DLG2: variants seen among roughly 807,000 people sequenced by gnomAD.
DLG2 encodes the protein disks large homolog 2.
DLG2 carries 45 observed loss-of-function variants against 132.5 expected under a neutral mutation model. That is an observed-to-expected ratio of 0.34 (90% CI 0.27 to 0.44). The LOEUF (loss-of-function observed/expected upper bound fraction) is 0.44. Ranked by LOEUF, DLG2 falls within the 20% of genes least tolerant of loss-of-function variation. The probability of loss-of-function intolerance (pLI) is 1.00; values close to 1 mark genes in which losing one functional copy is unlikely to be tolerated. For synonymous variants in DLG2, 424 were observed against 419.6 expected (o/e 1.01, Z -0.13); for missense variants, 1,045 against 1,196.9 (o/e 0.87, Z 1.87).
intron 18 of DLG2, among the ~76,000 whole-genome samples, chr11:83,650,958 C>T (rs917300755): frequency 5.3e-5 from 8 of 152,148 alleles, no homozygotes; most frequent in Non-Finnish European, 8.8e-5. Context: ...GATAGTAAGT[C>T]TTTTATGATT....
chr11:84,189,235 T>C (rs2096351871), intron 8 of DLG2, among the ~76,000 whole-genome samples: 1 of 152,158 alleles, frequency 6.6e-6, no homozygotes, highest in Non-Finnish European at 1.5e-5. Context: ...AAGCTCAACA[T>C]CACTGATCAT....
At chr11:84,457,647 A>G (rs2099068887) in intron 7 of DLG2, among the ~76,000 whole-genome samples, 1 of 150,960 alleles carries the variant, frequency 6.6e-6, no homozygotes, top group South Asian at 2.1e-4. Flanking sequence ...TGAACATTAA[A>G]CAGAGTGCGA....
intron 6 of DLG2, among the ~76,000 whole-genome samples, chr11:84,752,330 A>C (rs960361077): frequency 1.3e-5 from 2 of 152,222 alleles, no homozygotes; most frequent in African/African-American, 4.8e-5. Context: ...TTACATTCTA[A>C]TGAAAGAAAC....
intron 3 of DLG2, among the ~76,000 whole-genome samples, chr11:85,355,741 C>T (rs1248366571): frequency 6.8e-6 from 1 of 147,762 alleles, no homozygotes; most frequent in African/African-American, 2.4e-5. Flanking sequence ...GGCTGGATAA[C>T]AATATATATA....
At chr11:85,152,172 G>A (rs1186378383) in intron 5 of DLG2, among the ~76,000 whole-genome samples, 1 of 151,756 alleles carries the variant, frequency 6.6e-6, no homozygotes, top group African/African-American at 2.4e-5. Context: ...ATTCTCTAAA[G>A]TACATGATCA....
intron 11 of DLG2, among the ~76,000 whole-genome samples, chr11:84,040,889 T>C (rs2096058853): frequency 1.3e-5 from 2 of 151,962 alleles, no homozygotes; most frequent in Admixed American, 6.6e-5. Context: ...TATCCTCTTT[T>C]ATTTCCTTGA....
At chr11:84,645,553 C>T (rs1374155844) in intron 6 of DLG2, among the ~76,000 whole-genome samples, 2 of 152,140 alleles carry the variant, frequency 1.3e-5, no homozygotes, top group African/African-American at 2.4e-5. Flanking sequence ...CTGCAAGCTC[C>T]GCCTCCTGGG....
intron 7 of DLG2, among the ~76,000 whole-genome samples, chr11:84,252,525 G>A (rs77193431): frequency 0.04 from 6,145 of 152,076 alleles, 137 homozygotes; most frequent in South Asian, 0.076. Context: ...AATCATATTG[G>A]ATATGTTCAA....
At chr11:83,770,640 CTT>C (rs2094356449) in intron 18 of DLG2, among the ~76,000 whole-genome samples, 1 of 152,002 alleles carries the variant, frequency 6.6e-6, no homozygotes, top group Non-Finnish European at 1.5e-5. Context: ...AAGACCAGCT[CTT>C]GTTTTATAAA....
At chr11:84,090,822 G>A (rs2097079925) in intron 10 of DLG2, among the ~76,000 whole-genome samples, 1 of 152,158 alleles carries the variant, frequency 6.6e-6, no homozygotes, top group Non-Finnish European at 1.5e-5. Context: ...TCCAAAAGAT[G>A]TCCATATATT....
intron 14 of DLG2, among the ~76,000 whole-genome samples, chr11:83,956,607 C>T (rs940916883): frequency 1.3e-5 from 2 of 152,192 alleles, no homozygotes; most frequent in Non-Finnish European, 2.9e-5. Context: ...GACAGGGTGC[C>T]CCTACCGCGA....
chr11:84,430,444 A>G (rs1486160435), intron 7 of DLG2, among the ~76,000 whole-genome samples: 1 of 118,526 alleles, frequency 8.4e-6, no homozygotes, highest in Non-Finnish European at 1.6e-5. Flanking sequence ...TCTCAAAAAA[A>G]AAAAAGAAAA....
At chr11:85,264,261 T>A (rs1368154519) in intron 4 of DLG2, among the ~76,000 whole-genome samples, 1 of 152,128 alleles carries the variant, frequency 6.6e-6, no homozygotes, top group Non-Finnish European at 1.5e-5. Context: ...TCTGAGAATA[T>A]CCTCTTCCTC....
At chr11:84,163,392 C>A in intron 9 of DLG2, 69 bp downstream of exon 9, 7 of 1,372,942 alleles carry the variant, frequency 5.1e-6, no homozygotes, top group Non-Finnish European at 7.0e-6. Context: ...CACAAGACAA[C>A]TCATTAAGAT....
intron 16 of DLG2, among the ~76,000 whole-genome samples, chr11:83,838,074 A>C (rs1430589357): frequency 1.5e-5 from 1 of 68,870 alleles, no homozygotes; most frequent in Non-Finnish European, 2.5e-5. Context: ...GAGAGTGATT[A>C]GGACTCTGAC....
chr11:84,224,425 G>GT (rs1194469441), intron 8 of DLG2, among the ~76,000 whole-genome samples: 1 of 152,180 alleles, frequency 6.6e-6, no homozygotes, highest in Non-Finnish European at 1.5e-5. Context: ...GAATAAAATA[G>GT]TAAGTTAGAA....
Position 85,568,208 on chromosome 11 carries a change from A to T in DLG2, c.40+30449T>A, listed in dbSNP as rs544716879. Among the ~76,000 whole-genome samples, 84 of 151,844 alleles carry T rather than the reference A, an allele frequency of 5.5e-4. 3 individuals are homozygous for T. The highest frequency in any genetic ancestry group is 1.9e-3 in the African/African-American group (77 of 41,428). On this transcript the variant is annotated intron_variant, in intron 3 of 27. Transcript: ENST00000376104. Reference sequence around the variant, plus strand: ...TTTTTTGTATTTAATAGAGATGGGGATTCACCATGTTAGTCAGGCTGGTCA... The same window carrying T: ...TTTTTTGTATTTAATAGAGATGGGGTTTCACCATGTTAGTCAGGCTGGTCA...
intron 3 of DLG2, among the ~76,000 whole-genome samples, chr11:85,517,805 T>G (rs907526858): frequency 5.9e-5 from 9 of 152,112 alleles, no homozygotes; most frequent in Non-Finnish European, 1.2e-4. Context: ...TCATCATGAA[T>G]TCCCACGTGT....
Position 84,532,209 on chromosome 11 carries a change from T to C in DLG2, c.519+2361A>G, listed in dbSNP as rs1591702396. ...ATTATAAAATTTGGACTCTCCCTAT[T>C]CCATTTTTGAATCCCAGAAGTAACA... is the stretch of plus-strand genomic sequence containing the variant. On this transcript the variant is annotated intron_variant, in intron 7 of 27. Transcript: ENST00000376104. 2.7e-5 allele frequency among the ~76,000 whole-genome samples: 4 copies of C among 149,284 alleles called. No individual in the cohort carries two copies. In the South Asian group the frequency reaches 8.7e-4, roughly 32 times the overall value.
Sources: gnomAD v4.1 joint callset for allele counts (sites outside exome capture counted in the v4.1 genomes callset) on GRCh38, gnomAD v4.1.1 for gene constraint, MANE v1.5 for transcripts, NCBI Gene and HGNC (gene_info 2026-07-23, HGNC 2026-07-21) for gene names.